Variants in LDB2 observed in about 807,000 individuals in gnomAD.
The protein encoded by LDB2 is LIM domain binding 2.
In LDB2, 12 loss-of-function variants were observed where a neutral mutation model predicts 44.3. The observed-to-expected ratio is 0.27, with a 90% CI of 0.17 to 0.44. The LOEUF (loss-of-function observed/expected upper bound fraction) is 0.44. Ranked by LOEUF, LDB2 falls within the 20% of genes least tolerant of loss-of-function variation. The pLI is 1.00. For missense variants in LDB2, 344 were observed against 473.5 expected (o/e 0.73, Z 2.54); for synonymous variants, 164 against 174.8 (o/e 0.94, Z 0.49).
intron 5 of LDB2, among the ~76,000 whole-genome samples, chr4:16,538,290 G>T (rs1054218599): frequency 6.6e-6 from 1 of 152,210 alleles, no homozygotes; most frequent in Admixed American, 6.6e-5. Context: ...GCGCTGTGCT[G>T]CTGAGTGTGG....
At chr4:16,797,590 T>C (rs1420407817) in intron 1 of LDB2, among the ~76,000 whole-genome samples, 1 of 152,174 alleles carries the variant, frequency 6.6e-6, no homozygotes, top group African/African-American at 2.4e-5. Flanking sequence ...ACTGAATAGC[T>C]GTTACATTCT....
chr4:16,758,021 G>C (rs1767037264), intron 2 of LDB2, among the ~76,000 whole-genome samples: 1 of 152,070 alleles, frequency 6.6e-6, no homozygotes, highest in African/African-American at 2.4e-5. Context: ...GTTTCAGTTG[G>C]GCAGCAAGTC....
chr4:16,554,402 C>T (rs187454890), intron 5 of LDB2, among the ~76,000 whole-genome samples: 12 of 152,222 alleles, frequency 7.9e-5, no homozygotes, highest in South Asian at 2.1e-4. Flanking sequence ...CACTGGGTGC[C>T]GCCATTTTAA....
chr4:16,557,492 C>T (rs183195072), intron 5 of LDB2, among the ~76,000 whole-genome samples: 68 of 152,266 alleles, frequency 4.5e-4, no homozygotes, highest in African/African-American at 1.0e-3. Context: ...TGCAAGGCGG[C>T]GGCAGCGAGG....
chr4:16,578,830 G>A (rs1279077688), intron 5 of LDB2, among the ~76,000 whole-genome samples: 1 of 152,098 alleles, frequency 6.6e-6, no homozygotes, highest in African/African-American at 2.4e-5. Flanking sequence ...AAGAAAATAT[G>A]GCACATATAC....
At chr4:16,776,526 G>A (rs1309621834) in intron 1 of LDB2, among the ~76,000 whole-genome samples, 1 of 152,198 alleles carries the variant, frequency 6.6e-6, no homozygotes, top group African/African-American at 2.4e-5. Context: ...GATGGAATGG[G>A]GGTAGTTACC....
At chr4:16,724,622 A>G (rs1014359345) in intron 2 of LDB2, among the ~76,000 whole-genome samples, 1 of 152,164 alleles carries the variant, frequency 6.6e-6, no homozygotes, top group African/African-American at 2.4e-5. Context: ...TTCTCCTTCC[A>G]GAACCATGTT....
chr4:16,751,447 T>C (rs529218622), intron 2 of LDB2, among the ~76,000 whole-genome samples: 11 of 152,302 alleles, frequency 7.2e-5, no homozygotes, highest in Admixed American at 5.2e-4. Flanking sequence ...CAAGCCACTG[T>C]TATGGCCAAT....
intron 1 of LDB2, among the ~76,000 whole-genome samples, chr4:16,812,663 GT>G (rs1221141432): frequency 3.4e-5 from 5 of 147,192 alleles, no homozygotes; most frequent in Non-Finnish European, 7.5e-5. Context: ...GTGTGTGTGT[GT>G]ATTTAAACTT....
chr4:16,766,909 CAGAT>C (rs1481634943), intron 1 of LDB2, among the ~76,000 whole-genome samples: 2 of 152,150 alleles, frequency 1.3e-5, no homozygotes, highest in African/African-American at 2.4e-5. Flanking sequence ...CTAATAATCT[CAGAT>C]AGTTCCTAAT....
chr4:16,888,734 A>G (rs1722479529), intron 1 of LDB2: 1 of 984,152 alleles, frequency 1.0e-6, no homozygotes, highest in Non-Finnish European at 1.2e-6. Context: ...CGTCATCATC[A>G]TCATAGTTCC....
intron 2 of LDB2, among the ~76,000 whole-genome samples, chr4:16,609,358 G>GGGGC (rs1724959118): frequency 6.7e-6 from 1 of 148,240 alleles, no homozygotes; most frequent in East Asian, 2.1e-4. Flanking sequence ...GGGCGGGGGG[G>GGGGC]GGAGGGGAAG....
intron 1 of LDB2, among the ~76,000 whole-genome samples, chr4:16,772,026 C>T (rs1464826371): frequency 6.6e-6 from 1 of 152,182 alleles, no homozygotes; most frequent in African/African-American, 2.4e-5. Context: ...GCCCGCAGAT[C>T]TAGGTTCTTA....
chr4:16,697,468 A>G (rs894662131), intron 2 of LDB2, among the ~76,000 whole-genome samples: 4 of 151,836 alleles, frequency 2.6e-5, no homozygotes, highest in African/African-American at 9.7e-5. Context: ...TCCCAAAAAA[A>G]AAAACAACTC....
At chr4:16,640,938 T>C (rs1734954714) in intron 2 of LDB2, among the ~76,000 whole-genome samples, 1 of 152,230 alleles carries the variant, frequency 6.6e-6, no homozygotes, top group African/African-American at 2.4e-5. Flanking sequence ...TTCATTAAAT[T>C]GAGTCAAATT....
At chr4:16,878,460 C>T (rs1166728504) in intron 1 of LDB2, among the ~76,000 whole-genome samples, 1 of 152,186 alleles carries the variant, frequency 6.6e-6, no homozygotes, top group Non-Finnish European at 1.5e-5. Context: ...GAAAACTATA[C>T]AATCCTTCTC....
intron 1 of LDB2, among the ~76,000 whole-genome samples, chr4:16,854,008 G>T (rs1788820661): frequency 6.6e-6 from 1 of 152,042 alleles, no homozygotes; most frequent in Non-Finnish European, 1.5e-5. Flanking sequence ...ATGGGAAGAG[G>T]TAGATTGAAG....
At chr4:16,774,847 C>T (rs1007686781) in intron 1 of LDB2, among the ~76,000 whole-genome samples, 5 of 152,166 alleles carry the variant, frequency 3.3e-5, no homozygotes, top group African/African-American at 9.7e-5. Flanking sequence ...CATAAATGCT[C>T]ATAGCTTCAT....
intron 1 of LDB2, among the ~76,000 whole-genome samples, chr4:16,802,116 A>G (rs1169933592): frequency 1.3e-5 from 2 of 152,086 alleles, no homozygotes; most frequent in African/African-American, 2.4e-5. Flanking sequence ...GTCAGTAAGC[A>G]TTAGCCCCAC....
Sources: allele counts gnomAD v4.1 joint callset (sites outside exome capture counted in the v4.1 genomes callset), GRCh38; gene constraint gnomAD v4.1.1; transcripts MANE v1.5; gene names NCBI Gene and HGNC (gene_info 2026-07-23, HGNC 2026-07-21).